The following BIN1 variants were observed in gnomAD, a reference collection of about 807,000 sequenced individuals.
BIN1 encodes bridging integrator 1.
BIN1 carries 53 observed loss-of-function variants against 82.0 expected under a neutral mutation model. The ratio of observed to expected loss-of-function variants is 0.65; its 90% CI spans 0.52 to 0.81. The LOEUF is 0.81. Ranked by LOEUF, BIN1 falls within the 40% of genes least tolerant of loss-of-function variation. The probability of loss-of-function intolerance (pLI) is 0.00; values close to 1 mark genes in which losing one functional copy is unlikely to be tolerated. For missense variants in BIN1, 642 were observed against 784.4 expected, an observed-to-expected ratio of 0.82 and a Z score of 2.17; for synonymous variants, 302 against 328.0, an observed-to-expected ratio of 0.92 and a Z score of 0.86.
intron 1 of BIN1, among the ~76,000 whole-genome samples, chr2:127,089,876 T>C (rs1184585886): frequency 1.3e-5 from 2 of 152,074 alleles, no homozygotes. Context: ...AGTATGATCA[T>C]GTAGGTAAGA....
chr2:127,097,987 C>T (rs1679816231), intron 1 of BIN1, among the ~76,000 whole-genome samples: 1 of 152,224 alleles, frequency 6.6e-6, no homozygotes, highest in African/African-American at 2.4e-5. Flanking sequence ...GGGAAAGCCC[C>T]TCAGGCTCCA....
intron 1 of BIN1, among the ~76,000 whole-genome samples, chr2:127,106,038 C>A (rs1002536301): frequency 1.3e-5 from 2 of 152,254 alleles, no homozygotes; most frequent in African/African-American, 4.8e-5. Flanking sequence ...CCCTGGGAGG[C>A]CCCGGCTCCA....
intron 2 of BIN1, among the ~76,000 whole-genome samples, chr2:127,072,532 T>A (rs1434296411): frequency 6.6e-6 from 1 of 152,032 alleles, no homozygotes; most frequent in East Asian, 1.9e-4. Context: ...CTGCCTATTA[T>A]GATGAATGCT....
At chr2:127,079,858 G>A (rs1222935378) in intron 1 of BIN1, among the ~76,000 whole-genome samples, 1 of 152,186 alleles carries the variant, frequency 6.6e-6, no homozygotes, top group Admixed American at 6.5e-5. Flanking sequence ...CTCAGCCTCA[G>A]GCTCCTCCCA....
At chr2:127,069,437 A>G (rs946439099) in intron 5 of BIN1, among the ~76,000 whole-genome samples, 10 of 152,052 alleles carry the variant, frequency 6.6e-5, no homozygotes, top group Admixed American at 3.9e-4. Flanking sequence ...GTCCAACCCA[A>G]TGGTCAACCC....
intron 9 of BIN1, 97 bp from the exon 10 acceptor site, chr2:127,062,294 C>G: frequency 8.2e-7 from 1 of 1,221,720 alleles, no homozygotes; most frequent in Non-Finnish European, 1.2e-6. Context: ...ACCCCCAGCC[C>G]CTGCCAGGAA....
At chr2:127,060,055 G>C (rs1684236218) in intron 10 of BIN1, among the ~76,000 whole-genome samples, 1 of 152,170 alleles carries the variant, frequency 6.6e-6, no homozygotes, top group South Asian at 2.1e-4. Flanking sequence ...ACTGGCTCCT[G>C]TGCTGGACAG....
In BIN1 at chr2:127,053,788, C is replaced by T. The variant is rs190020084; in HGVS notation, c.1239+117G>A. 5.0e-5 allele frequency: 50 copies of T among 1,008,478 alleles called. No individual in the cohort carries two copies. In the African/African-American group the frequency reaches 7.5e-4, roughly 15 times the overall value. The allele number at this position is 1,008,478 out of a possible 1,614,324, so 62.5% of individuals were successfully genotyped here. On this transcript the variant is annotated intron_variant, in intron 13 of 18. Coordinates refer to ENST00000316724, the MANE Select transcript of BIN1 (RefSeq NM_139343.3). ...TGATGAGGGCTGAAGGCTGAGGTGC[C>T]AGGGGAAGGGCAGTGACCCAGGCCT...
intron 13 of BIN1, 174 bp downstream of exon 13, chr2:127,053,731 C>T (rs927780831): frequency 4.2e-6 from 3 of 721,554 alleles, no homozygotes; most frequent in Non-Finnish European, 7.2e-6. Flanking sequence ...CCCAGCTGAT[C>T]AGGGGCTGCT....
At position 127,059,065 on chromosome 2, in the gene BIN1, T is replaced by A; in HGVS notation, c.948A>T (p.Pro316=). Residue 316 remains proline (P), a synonymous_variant, in exon 11 of 19, where the codon CCA becomes CCT. Transcript: ENST00000316724. The surrounding 1 kb of genome is among the most constrained non-coding windows in gnomAD (Gnocchi z 6.7). ...CGGGCGTGGCCCCGCCGGCCGGCTC[T>A]GGCTCGTGGTTGACTCTGATCTCGG... is the stretch of plus-strand genomic sequence containing the variant. The part of the protein sequence containing the change: ...ATPEIRVNHE[P]EPAGGATPGA... 6.3e-7 allele frequency: 1 copy of A among 1,582,406 alleles called. No individual in the cohort carries two copies. Among genetic ancestry groups the A allele is most frequent in the Admixed American group, 1.8e-5 (1 of 55,028 alleles).
chr2:127,055,183 C>T (rs1167982352), intron 12 of BIN1: 1 of 152,438 alleles, frequency 6.6e-6, no homozygotes, highest in Admixed American at 6.5e-5. Flanking sequence ...GCCCTCCCAC[C>T]CGGCCTCCAC....
chr2:127,076,369 ACCCTCC>A (rs1349644997), intron 2 of BIN1, among the ~76,000 whole-genome samples: 2 of 74,682 alleles, frequency 2.7e-5, no homozygotes, highest in Non-Finnish European at 5.7e-5. Flanking sequence ...CTCCTATCCC[ACCCTCC>A]CCCTCCCCCT....
chr2:127,098,999 G>A (rs573061143), intron 1 of BIN1, among the ~76,000 whole-genome samples: 1 of 152,356 alleles, frequency 6.6e-6, no homozygotes, highest in South Asian at 2.1e-4. Context: ...GGAGTGTGAT[G>A]AGGAGCGATC....
intron 1 of BIN1, among the ~76,000 whole-genome samples, chr2:127,089,818 G>A (rs908023085): frequency 6.6e-6 from 1 of 152,074 alleles, no homozygotes; most frequent in Non-Finnish European, 1.5e-5. Flanking sequence ...GACCTGCTGG[G>A]TCTCATCACT....
chr2:127,051,681 C>G (rs1358152326), intron 15 of BIN1, among the ~76,000 whole-genome samples: 1 of 152,232 alleles, frequency 6.6e-6, no homozygotes, highest in Non-Finnish European at 1.5e-5. Flanking sequence ...CTGTCCCAGC[C>G]TGAGCACAAC....
intron 2 of BIN1, 60 bp from the exon 3 acceptor site, chr2:127,070,876 T>A: frequency 2.6e-6 from 4 of 1,530,204 alleles, no homozygotes; most frequent in Non-Finnish European, 3.6e-6. Flanking sequence ...TCCCTGACCC[T>A]CTCCTTCCTG....
chr2:127,097,317 T>TCCCTCCAGGCCCAGGAGCGTCAC (rs1478204900), intron 1 of BIN1, among the ~76,000 whole-genome samples: 1 of 141,670 alleles, frequency 7.1e-6, no homozygotes, highest in Non-Finnish European at 1.6e-5. Context: ...AGCAGTGTCA[T>TCCCTCCAGGCCCAGGAGCGTCAC]CCCTCCAGGC....
chr2:127,084,299 C>G (rs1677848432), intron 1 of BIN1, among the ~76,000 whole-genome samples: 3 of 152,250 alleles, frequency 2.0e-5, no homozygotes, highest in African/African-American at 7.2e-5. Flanking sequence ...ATTCCACAAA[C>G]ACGAGCCTCC....
rs960604641 is a variant in BIN1, at chr2:127,050,265, C to G, written c.1674+156G>C. On this transcript the variant is annotated intron_variant, in intron 18 of 18. Coordinates refer to ENST00000316724, the MANE Select transcript of BIN1 (RefSeq NM_139343.3). ...AGAGGAGAGGGAGAGAGGAAAAAGCCCGACGTGGAGGGCGGGGAGGAGCAG... is the reference window on the plus strand; with the variant it reads ...AGAGGAGAGGGAGAGAGGAAAAAGCGCGACGTGGAGGGCGGGGAGGAGCAG... The G allele has an allele frequency of 1.6e-5, 12 of 730,700 alleles. No individual in the cohort carries two copies. In the Admixed American group the frequency reaches 2.3e-4, roughly 14 times the overall value. The allele number at this position is 730,700 out of a possible 1,614,324, so 45.3% of individuals were successfully genotyped here.
Sources: gnomAD v4.1 joint callset for allele counts (sites outside exome capture counted in the v4.1 genomes callset) on GRCh38, gnomAD v4.1.1 for gene constraint, Gnocchi (gnomAD v3.1) non-coding constraint, MANE v1.5 for transcripts, NCBI Gene and HGNC (gene_info 2026-07-23, HGNC 2026-07-21) for gene names.